The following SNTG1 variants were observed in gnomAD, a reference collection of about 807,000 sequenced individuals.
SNTG1 encodes the protein gamma-1-syntrophin.
Under a neutral mutation model 74.7 loss-of-function variants are expected in SNTG1, and 39 were observed. The observed-to-expected ratio is 0.52, with a 90% CI of 0.40 to 0.68. The LOEUF is 0.68. SNTG1 is among the 30% of genes least tolerant of loss of function. The pLI is 0.00. For synonymous variants in SNTG1, 254 were observed against 217.1 expected (o/e 1.17, Z -1.49); for missense variants, 685 against 609.5 (o/e 1.12, Z -1.30).
intron 1 of SNTG1, among the ~76,000 whole-genome samples, chr8:49,968,574 T>C (rs1811362143): frequency 6.6e-6 from 1 of 152,094 alleles, no homozygotes; most frequent in Non-Finnish European, 1.5e-5. Context: ...AGTTTCCAGG[T>C]TTCTACATGC....
At chr8:50,146,416 G>C (rs2081867961) in intron 1 of SNTG1, among the ~76,000 whole-genome samples, 2 of 152,164 alleles carry the variant, frequency 1.3e-5, no homozygotes, top group Non-Finnish European at 2.9e-5. Flanking sequence ...TACTTGGGAG[G>C]CTGAGACAGG....
chr8:50,046,762 A>G (rs1037354741), intron 1 of SNTG1, among the ~76,000 whole-genome samples: 1 of 152,130 alleles, frequency 6.6e-6, no homozygotes, highest in Non-Finnish European at 1.5e-5. Context: ...TGACTGTTCA[A>G]TTTTTGCATC....
chr8:50,118,780 T>G (rs1160896566), intron 1 of SNTG1, among the ~76,000 whole-genome samples: 1 of 142,848 alleles, frequency 7.0e-6, no homozygotes, highest in African/African-American at 2.5e-5. Context: ...AATTACCAGC[T>G]TTTTATCATT....
intron 1 of SNTG1, among the ~76,000 whole-genome samples, chr8:49,936,851 T>A (rs1808125328): frequency 6.6e-6 from 1 of 152,150 alleles, no homozygotes; most frequent in Non-Finnish European, 1.5e-5. Context: ...TAGATGAACT[T>A]CAAAACAGTT....
intron 2 of SNTG1, among the ~76,000 whole-genome samples, chr8:50,252,625 G>A (rs1368826735): frequency 6.6e-6 from 1 of 152,154 alleles, no homozygotes; most frequent in African/African-American, 2.4e-5. Flanking sequence ...GAAGTTGAAG[G>A]AAGAGACCAC....
intron 2 of SNTG1, among the ~76,000 whole-genome samples, chr8:50,303,991 T>C (rs752138467): frequency 1.3e-5 from 2 of 152,206 alleles, no homozygotes; most frequent in Non-Finnish European, 2.9e-5. Context: ...GTTTGCACTT[T>C]GCTTTAAAAT....
intron 1 of SNTG1, among the ~76,000 whole-genome samples, chr8:50,001,930 A>C (rs1467166937): frequency 1.3e-5 from 2 of 152,164 alleles, no homozygotes; most frequent in Admixed American, 1.3e-4. Context: ...GCTTAGAGAA[A>C]GAAAGTGCTT....
chr8:50,348,153 C>T (rs1327447289), intron 2 of SNTG1, among the ~76,000 whole-genome samples: 1 of 152,198 alleles, frequency 6.6e-6, no homozygotes, highest in Non-Finnish European at 1.5e-5. Context: ...GGCAGTGAGA[C>T]TGGAGTCTTA....
At chr8:50,131,995 T>C (rs1221361008) in intron 1 of SNTG1, among the ~76,000 whole-genome samples, 2 of 152,148 alleles carry the variant, frequency 1.3e-5, no homozygotes, top group Non-Finnish European at 2.9e-5. Context: ...CACATATGCA[T>C]GTGCTTATTT....
intron 4 of SNTG1, among the ~76,000 whole-genome samples, chr8:50,422,288 T>A (rs1443925395): frequency 6.6e-6 from 1 of 151,112 alleles, no homozygotes; most frequent in Non-Finnish European, 1.5e-5. Context: ...TCTATCTATG[T>A]AGATAGGTAG....
chr8:50,782,553 C>T (rs1443152659), intron 18 of SNTG1, among the ~76,000 whole-genome samples: 1 of 152,210 alleles, frequency 6.6e-6, no homozygotes, highest in African/African-American at 2.4e-5. Context: ...CTTTCAGCTC[C>T]ATCATCTCCT....
chr8:50,159,634 C>G (rs2082355520), intron 1 of SNTG1, among the ~76,000 whole-genome samples: 1 of 152,086 alleles, frequency 6.6e-6, no homozygotes, highest in South Asian at 2.1e-4. Flanking sequence ...ACATGTATAT[C>G]AAAAAAGGAA....
At chr8:50,498,056 A>G (rs1415613493) in intron 8 of SNTG1, among the ~76,000 whole-genome samples, 1 of 151,970 alleles carries the variant, frequency 6.6e-6, no homozygotes, top group Admixed American at 6.6e-5. Flanking sequence ...GATTAAAAAT[A>G]CAGCTGCTAT....
chr8:50,259,541 A>G (rs1431827206), intron 2 of SNTG1, among the ~76,000 whole-genome samples: 1 of 30,690 alleles, frequency 3.3e-5, no homozygotes, highest in African/African-American at 4.9e-5. Context: ...AGAAAGAAAG[A>G]AAGAAAGAAA....
At chr8:50,072,692 C>A (rs982907964) in intron 1 of SNTG1, among the ~76,000 whole-genome samples, 1 of 152,102 alleles carries the variant, frequency 6.6e-6, no homozygotes, top group African/African-American at 2.4e-5. Flanking sequence ...GAAATCTGAT[C>A]ATCTCTAAAA....
chr8:50,520,549 C>T (rs1448040834), intron 9 of SNTG1, among the ~76,000 whole-genome samples: 1 of 151,848 alleles, frequency 6.6e-6, no homozygotes, highest in African/African-American at 2.4e-5. Flanking sequence ...TATCCAGAAT[C>T]TATGAGGAAT....
intron 1 of SNTG1, among the ~76,000 whole-genome samples, chr8:49,941,027 G>T (rs1349570178): frequency 6.6e-6 from 1 of 152,126 alleles, no homozygotes; most frequent in Non-Finnish European, 1.5e-5. Flanking sequence ...AACGTGGACT[G>T]GACTGAATTC....
At chr8:50,430,635 G>A (rs980747347) in intron 4 of SNTG1, among the ~76,000 whole-genome samples, 2 of 152,124 alleles carry the variant, frequency 1.3e-5, no homozygotes, top group Non-Finnish European at 2.9e-5. Flanking sequence ...GTGTTTTATT[G>A]GCAGAACTTG....
intron 11 of SNTG1, among the ~76,000 whole-genome samples, chr8:50,542,626 T>C (rs1039426826): frequency 6.6e-6 from 1 of 152,178 alleles, no homozygotes; most frequent in African/African-American, 2.4e-5. Context: ...AATTGCTGGA[T>C]CGTGTGGTAG....
Sources: allele counts gnomAD v4.1 joint callset (sites outside exome capture counted in the v4.1 genomes callset), GRCh38; gene constraint gnomAD v4.1.1; transcripts MANE v1.5; gene names NCBI Gene and HGNC (gene_info 2026-07-23, HGNC 2026-07-21).